Variants in CRYBB2 observed in about 807,000 individuals in gnomAD.
The protein encoded by CRYBB2 is crystallin beta B2.
Under a neutral mutation model 24.3 loss-of-function variants are expected in CRYBB2, and 12 were observed. The ratio of observed to expected loss-of-function variants is 0.49; its 90% CI spans 0.32 to 0.80. The LOEUF is 0.80. CRYBB2 is among the 30% of genes least tolerant of loss of function. The pLI is 0.04. For synonymous variants in CRYBB2, 98 were observed against 101.6 expected, an observed-to-expected ratio of 0.96 and a Z score of 0.21; for missense variants, 198 against 268.5, an observed-to-expected ratio of 0.74 and a Z score of 1.83.
rs1920983691 is a variant in CRYBB2 at position 25,231,680 on chromosome 22, G to A, written c.526G>A (p.Asp176Asn). ...GAAGGGAGACTACAAGGACAGCAGC[G>A]ACTTTGGGGCCCCTCACCCCCAGGT... is the stretch of plus-strand genomic sequence containing the variant. ...LEKGDYKDSS[D>N]FGAPHPQVQS... Residue 176 changes from aspartate to asparagine, a missense_variant, in exon 6 of 6, where the codon GAC becomes AAC. By Grantham distance (23) the Asp-to-Asn change is conservative. Coordinates refer to ENST00000398215, the MANE Select transcript of CRYBB2 (RefSeq NM_000496.3). 3.1e-6 allele frequency: 5 copies of A among 1,614,136 alleles called. No individual in the cohort carries two copies. The South Asian group carries it at 3.3e-5, about 11-fold the overall frequency.
intron 2 of CRYBB2, among the ~76,000 whole-genome samples, chr22:25,223,763 GC>G (rs1935362297): frequency 2.0e-5 from 3 of 152,182 alleles, no homozygotes; most frequent in African/African-American, 7.2e-5. Context: ...GCTGACCTGA[GC>G]CCATCTTTTC....
upstream of CRYBB2, chr22:25,219,411 G>A (rs193107997): frequency 1.2e-4 from 18 of 152,404 alleles, no homozygotes; most frequent in South Asian, 4.1e-4. Context: ...CATGCAAAGC[G>A]GGCATCTCCT....
intron 3 of CRYBB2, among the ~76,000 whole-genome samples, chr22:25,227,126 T>A (rs1935432651): frequency 6.6e-6 from 1 of 152,256 alleles, no homozygotes; most frequent in Non-Finnish European, 1.5e-5. Context: ...TGCTGAAATG[T>A]TCGCCTCTGC....
At chr22:25,214,865 G>T (rs866156082), upstream of CRYBB2, among the ~76,000 whole-genome samples, 4 of 152,266 alleles carry the variant, frequency 2.6e-5, no homozygotes, top group African/African-American at 9.6e-5. Flanking sequence ...GAGCCTTTGG[G>T]CAAGAAAGTC....
chr22:25,224,791 G>T lies in CRYBB2; in HGVS notation c.55-127G>T, dbSNP rs147326224. 52 of 768,498 alleles carry T rather than the reference G, an allele frequency of 6.8e-5. No homozygotes were observed. The African/African-American group carries it at 8.0e-4, about 12-fold the overall frequency. 47.6% of individuals were successfully genotyped at this position (768,498 alleles called of 1,614,324 possible). On this transcript the variant is annotated intron_variant, in intron 2 of 5. Transcript: ENST00000398215. ...GCCAGGGCTGTTTGATTTTATGTTT[G>T]ATTTGTCACTCTGGAGGTGAACCCT...
intron 4 of CRYBB2, among the ~76,000 whole-genome samples, chr22:25,228,519 G>C (rs1208384807): frequency 6.6e-6 from 1 of 151,778 alleles, no homozygotes. Context: ...ACTAGTGTGT[G>C]AGAGTGTCAA....
At chr22:25,220,625 C>G (rs1053416962) in intron 1 of CRYBB2, among the ~76,000 whole-genome samples, 5 of 152,214 alleles carry the variant, frequency 3.3e-5, no homozygotes, top group African/African-American at 1.2e-4. Flanking sequence ...GGCGTTATCT[C>G]TGAAGAGGGA....
At chr22:25,214,405 G>A (rs143982448) in intron 1 of CRYBB2, among the ~76,000 whole-genome samples, 32 of 152,250 alleles carry the variant, frequency 2.1e-4, no homozygotes, top group Non-Finnish European at 3.5e-4. Flanking sequence ...CACCAAGGTG[G>A]GGACCCTATC....
intron 2 of CRYBB2, among the ~76,000 whole-genome samples, chr22:25,223,988 G>T (rs991214431): frequency 2.0e-5 from 3 of 152,124 alleles, no homozygotes; most frequent in Non-Finnish European, 4.4e-5. Context: ...GCTGGGCGTG[G>T]TGGCAGGCGC....
chr22:25,212,387 C>G (rs1184548590), upstream of CRYBB2, among the ~76,000 whole-genome samples: 1 of 152,218 alleles, frequency 6.6e-6, no homozygotes, highest in East Asian at 1.9e-4. Flanking sequence ...AGGACCCAGA[C>G]AGTGAACAGG....
upstream of CRYBB2, among the ~76,000 whole-genome samples, chr22:25,212,461 A>T (rs773808934): frequency 2.1e-4 from 32 of 152,230 alleles, no homozygotes; most frequent in Non-Finnish European, 4.0e-4. Context: ...CTCTGTGGTC[A>T]CTGCCCCCAG....
chr22:25,218,814 G>GAAAGAAAGAAAGAAAGAAAGAAAGAAAGA (rs1569016409), upstream of CRYBB2, among the ~76,000 whole-genome samples: 33 of 126,422 alleles, frequency 2.6e-4, no homozygotes, highest in African/African-American at 1.0e-3. Flanking sequence ...AAGAAAGAAA[G>GAAAGAAAGAAAGAAAGAAAGAAAGAAAGA]AAAGAAAGAA....
chr22:25,215,914 C>T (rs2213882), upstream of CRYBB2, among the ~76,000 whole-genome samples: 86,698 of 151,972 alleles, frequency 0.57, 25,520 homozygotes, highest in East Asian at 0.92. Context: ...AAAGCCTAGT[C>T]CTACTACTCA....
upstream of CRYBB2, among the ~76,000 whole-genome samples, chr22:25,216,546 C>T (rs541787060): frequency 5.9e-5 from 9 of 152,292 alleles, no homozygotes; most frequent in East Asian, 1.7e-3. Flanking sequence ...CAGGCATGGC[C>T]CTGCTGACAG....
At position 25,225,009 on chromosome 22, in the gene CRYBB2, C is replaced by G; in HGVS notation, c.146C>G (p.Ala49Gly). Residue 49 changes from alanine (A) to glycine (G), a missense_variant, in exon 3 of 6, where the codon GCA becomes GGA. Coordinates refer to ENST00000398215, the MANE Select transcript of CRYBB2 (RefSeq NM_000496.3). ...PNLKETGVEKAGSVLVQAGPW... is the reference protein window; with the variant it reads ...PNLKETGVEKGGSVLVQAGPW... ...CTGAAGGAAACTGGCGTGGAGAAGG[C>G]AGGTTCTGTCCTAGTGCAGGCTGGA... 6.2e-7 allele frequency: 1 copy of G among 1,610,206 alleles called. No individual in the cohort carries two copies.
intron 4 of CRYBB2, among the ~76,000 whole-genome samples, chr22:25,228,998 G>A (rs111666320): frequency 0.13 from 19,155 of 150,292 alleles, 1,382 homozygotes; most frequent in Non-Finnish European, 0.17. Context: ...GTGGGTGTGC[G>A]TGTGTGTGCA....
At chr22:25,218,801 A>AG (rs1935259107), upstream of CRYBB2, among the ~76,000 whole-genome samples, 1 of 118,714 alleles carries the variant, frequency 8.4e-6, no homozygotes, top group Non-Finnish European at 1.7e-5. Context: ...AAAGAAAGAA[A>AG]GAAAGAAAGA....
intron 4 of CRYBB2, 88 bp from the exon 5 acceptor site, chr22:25,229,348 T>A (rs1182193090): frequency 1.9e-5 from 29 of 1,524,822 alleles, no homozygotes; most frequent in Non-Finnish European, 2.5e-5. Flanking sequence ...GACATGCTGA[T>A]CCCAACTCTG....
At chr22:25,225,078 G>C (rs1233963804) in intron 3 of CRYBB2, 42 bp downstream of exon 3, 2 of 1,084,202 alleles carry the variant, frequency 1.8e-6, no homozygotes, top group Middle Eastern at 2.0e-4. Context: ...GACTTTGGGT[G>C]AGGTGATCAA....
Sources: allele counts gnomAD v4.1 joint callset (sites outside exome capture counted in the v4.1 genomes callset), GRCh38; gene constraint gnomAD v4.1.1; transcripts MANE v1.5; gene names NCBI Gene and HGNC (gene_info 2026-07-23, HGNC 2026-07-21).